The following EFNA2 variants were observed in gnomAD, a reference collection of about 807,000 sequenced individuals.
EFNA2 encodes the protein ephrin-A2.
EFNA2 carries 18 observed loss-of-function variants against 19.7 expected under a neutral mutation model. The ratio of observed to expected loss-of-function variants is 0.91; its 90% CI spans 0.63 to 1.35. EFNA2 has a LOEUF of 1.35. Ranked by LOEUF, EFNA2 falls within the 40% of genes most tolerant of loss-of-function variation. EFNA2 has a pLI of 0.00. For synonymous variants in EFNA2, 187 were observed against 137.8 expected (o/e 1.36, Z -2.50); for missense variants, 303 against 296.0 (o/e 1.02, Z -0.17).
At position 1,300,069 on chromosome 19, in the gene EFNA2, C is replaced by T; in HGVS notation, c.*124C>T. On this transcript the variant is annotated 3_prime_UTR_variant, in exon 4 of 4. Transcript: ENST00000215368. ...AAATAGAGACGCTGCTTCTCCCTCG[C>T]CTGGTGCCGCCCCCGCCGGGCAGGG... The T allele has an allele frequency of 7.5e-7, 1 of 1,336,052 alleles. No homozygotes were observed. Among genetic ancestry groups the T allele is most frequent in the South Asian group, 1.5e-5 (1 of 65,844 alleles). The allele number at this position is 1,336,052 out of a possible 1,614,324, so 82.8% of individuals were successfully genotyped here.
In EFNA2 at chr19:1,297,211, G is replaced by C. The variant is rs964091946; in HGVS notation, c.455-1340G>C. 6.6e-6 allele frequency among the ~76,000 whole-genome samples: 1 copy of C among 152,130 alleles called. No homozygotes were observed. Among genetic ancestry groups the C allele is most frequent in the Non-Finnish European group, 1.5e-5 (1 of 68,012 alleles). ...GTCTGTGCCCCCAGGCTGCAGGGGGGCCAGTGCCTGGACACCCAGCTCCTG... is the reference window on the plus strand; with the variant it reads ...GTCTGTGCCCCCAGGCTGCAGGGGGCCCAGTGCCTGGACACCCAGCTCCTG... On this transcript the variant is annotated intron_variant, in intron 2 of 3. Coordinates refer to ENST00000215368, the MANE Select transcript of EFNA2 (RefSeq NM_001405.4). This position sits in a 1 kb window ranked among gnomAD's most constrained non-coding sequence, Gnocchi z 5.0.
In EFNA2 at chr19:1,300,781, T is replaced by A. The variant is rs1007783845; in HGVS notation, c.*836T>A. On this transcript the variant is annotated 3_prime_UTR_variant, in exon 4 of 4. Coordinates refer to ENST00000215368, the MANE Select transcript of EFNA2 (RefSeq NM_001405.4). ...TCCCGCCGTGTCTTAGAAACTGCTTTGGCCGATGCAAACAGCCCCCTACCC... is the reference window on the plus strand; with the variant it reads ...TCCCGCCGTGTCTTAGAAACTGCTTAGGCCGATGCAAACAGCCCCCTACCC... Among the ~76,000 whole-genome samples, 1 of 152,160 alleles carries A rather than the reference T, an allele frequency of 6.6e-6. No homozygotes were observed. Among genetic ancestry groups the A allele is most frequent in the Non-Finnish European group, 1.5e-5 (1 of 68,020 alleles).
rs528652593 is a variant in EFNA2 at position 1,294,253 on chromosome 19, A to G, written c.141-1292A>G. Among the ~76,000 whole-genome samples, 84 of 152,252 alleles carry G rather than the reference A, an allele frequency of 5.5e-4. No homozygotes were observed. Among genetic ancestry groups the G allele is most frequent in the African/African-American group, 2.0e-3 (82 of 41,544 alleles). Reference sequence around the variant, plus strand: ...CCGCTTGGTCCAGGCCGCCGGTTACATGACAGGGGCCCTGGGGACCACAGC... The same window carrying G: ...CCGCTTGGTCCAGGCCGCCGGTTACGTGACAGGGGCCCTGGGGACCACAGC... On this transcript the variant is annotated intron_variant, in intron 1 of 3. Transcript: ENST00000215368. The surrounding 1 kb of genome is among the most constrained non-coding windows in gnomAD (Gnocchi z 5.8).
At chr19:1,284,956 A>G, upstream of EFNA2, among the ~76,000 whole-genome samples, 1 of 152,202 alleles carries the variant, frequency 6.6e-6, no homozygotes. The surrounding 1 kb of genome is among the most constrained non-coding windows in gnomAD (Gnocchi z 5.3). Flanking sequence ...AAGGGCAAAA[A>G]CAGAGGGCAG....
rs936156193 is a variant in EFNA2, at chr19:1,287,161, C to CA, written c.140+860dup. Among the ~76,000 whole-genome samples, 1 of 152,170 alleles carries CA rather than the reference C, an allele frequency of 6.6e-6. No individual in the cohort carries two copies. Among genetic ancestry groups the CA allele is most frequent in the African/African-American group, 2.4e-5 (1 of 41,436 alleles). On this transcript the variant is annotated intron_variant, in intron 1 of 3. Coordinates refer to ENST00000215368, the MANE Select transcript of EFNA2 (RefSeq NM_001405.4). The surrounding 1 kb of genome is among the most constrained non-coding windows in gnomAD (Gnocchi z 6.2). Reference sequence around the variant, plus strand: ...CAGGAGAAGCCCCCGTTGGTCAGAGCAAAAAAAGTTTGCCGGGGCCTGGCC... The same window carrying CA: ...CAGGAGAAGCCCCCGTTGGTCAGAGCAAAAAAAAGTTTGCCGGGGCCTGGCC...
Position 1,286,391 on chromosome 19 carries a change from C to G in EFNA2, c.140+83C>G. The G allele has an allele frequency of 1.5e-6, 1 of 663,898 alleles. No individual in the cohort carries two copies. The highest frequency in any genetic ancestry group is 1.9e-6 in the Non-Finnish European group (1 of 539,204). The allele number at this position is 663,898 out of a possible 1,614,324, so 41.1% of individuals were successfully genotyped here. On this transcript the variant is annotated intron_variant, in intron 1 of 3. Coordinates refer to ENST00000215368, the MANE Select transcript of EFNA2 (RefSeq NM_001405.4). The surrounding 1 kb of genome is among the most constrained non-coding windows in gnomAD (Gnocchi z 5.6). The stretch of plus-strand genomic sequence containing the variant: ...GCCCGGCCTCGCGCCCCCGGAGCTC[C>G]GGGCGCCCCCCACGCGCGCGCCGCC...
In EFNA2 at chr19:1,299,164, G is replaced by C. The variant is rs542485486; in HGVS notation, c.520+548G>C. 3.3e-5 allele frequency among the ~76,000 whole-genome samples: 5 copies of C among 152,274 alleles called. No homozygotes were observed. The South Asian group carries it at 8.3e-4, about 25-fold the overall frequency. On this transcript the variant is annotated intron_variant, in intron 3 of 3. Transcript: ENST00000215368. ...GAGGCAGGAGAATCACTTGAACCCG[G>C]GAAGTGGAGGTTGCAGTGAGCCCAG...
Position 1,301,210 on chromosome 19 carries a change from T to C in EFNA2, c.*1265T>C, listed in dbSNP as rs1289490282. 1.3e-5 allele frequency among the ~76,000 whole-genome samples: 2 copies of C among 149,482 alleles called. No homozygotes were observed. Among genetic ancestry groups the C allele is most frequent in the Non-Finnish European group, 3.0e-5 (2 of 67,566 alleles). On this transcript the variant is annotated 3_prime_UTR_variant, in exon 4 of 4. Coordinates refer to ENST00000215368, the MANE Select transcript of EFNA2 (RefSeq NM_001405.4). Reference sequence around the variant, plus strand: ...TATTTCTACCCGCCTTTCCTGACTCTGTGTTTTATATATATTATATATAAA... The same window carrying C: ...TATTTCTACCCGCCTTTCCTGACTCCGTGTTTTATATATATTATATATAAA...
Position 1,294,678 on chromosome 19 carries a change from G to A in EFNA2, c.141-867G>A, listed in dbSNP as rs893682603. ...CTCGGCAGGCTGAGAGAGAGGGGGC[G>A]GTGGGCGGAACTCTGGGGGTGCTGA... On this transcript the variant is annotated intron_variant, in intron 1 of 3. Coordinates refer to ENST00000215368, the MANE Select transcript of EFNA2 (RefSeq NM_001405.4). This position sits in a 1 kb window ranked among gnomAD's most constrained non-coding sequence, Gnocchi z 5.8. 6.6e-6 allele frequency among the ~76,000 whole-genome samples: 1 copy of A among 151,868 alleles called. No homozygotes were observed. The highest frequency in any genetic ancestry group is 2.4e-5 in the African/African-American group (1 of 41,294).
At position 1,296,146 on chromosome 19, in the gene EFNA2, A is replaced by G. The variant is rs975890146; in HGVS notation, c.454+288A>G. Among the ~76,000 whole-genome samples the G allele has an allele frequency of 6.6e-6, 1 of 152,196 alleles. No individual in the cohort carries two copies. The highest frequency in any genetic ancestry group is 2.4e-5 in the African/African-American group (1 of 41,450). On this transcript the variant is annotated intron_variant, in intron 2 of 3. Transcript: ENST00000215368. This position sits in a 1 kb window ranked among gnomAD's most constrained non-coding sequence, Gnocchi z 4.4. ...GCATGATGGACGTGCCATTCTCCCAACCATCCCGGGAGGCCAGGACTTTCC... is the reference window on the plus strand; with the variant it reads ...GCATGATGGACGTGCCATTCTCCCAGCCATCCCGGGAGGCCAGGACTTTCC...
Position 1,299,979 on chromosome 19 carries a change from C to T in EFNA2, c.*34C>T. ...CCGCAGGACGCCGACCCTGCCTGGA[C>T]GGCCCCGCCTGGACCGCCTGACCTC... On this transcript the variant is annotated 3_prime_UTR_variant, in exon 4 of 4. Transcript: ENST00000215368. The T allele has an allele frequency of 1.9e-6, 3 of 1,563,376 alleles. No individual in the cohort carries two copies. The highest frequency in any genetic ancestry group is 2.3e-5 in the East Asian group (1 of 42,834).
Position 1,299,971 on chromosome 19 carries a change from TG to T in EFNA2, c.*27del. 6.3e-7 allele frequency: 1 copy of T among 1,576,102 alleles called. No homozygotes were observed. Among genetic ancestry groups the T allele is most frequent in the Non-Finnish European group, 8.6e-7 (1 of 1,166,562 alleles). The stretch of plus-strand genomic sequence containing the variant: ...TCCCAGCCCCGCAGGACGCCGACCC[TG>T]CCTGGACGGCCCCGCCTGGACCGCC... On this transcript the variant is annotated 3_prime_UTR_variant, in exon 4 of 4. Transcript: ENST00000215368.
At position 1,301,349 on chromosome 19, in the gene EFNA2, C is replaced by A. The variant is rs2081542820; in HGVS notation, c.*1404C>A. Among the ~76,000 whole-genome samples the A allele has an allele frequency of 6.6e-6, 1 of 151,592 alleles. No individual in the cohort carries two copies. Among genetic ancestry groups the A allele is most frequent in the Non-Finnish European group, 1.5e-5 (1 of 67,922 alleles). Reference sequence around the variant, plus strand: ...GCGGGCCGCGTTGCCAGGCCTGGAGCTGGCGACCGGGCCTCCCTCTTCCCG... The same window carrying A: ...GCGGGCCGCGTTGCCAGGCCTGGAGATGGCGACCGGGCCTCCCTCTTCCCG... On this transcript the variant is annotated 3_prime_UTR_variant, in exon 4 of 4. Coordinates refer to ENST00000215368, the MANE Select transcript of EFNA2 (RefSeq NM_001405.4).
intron 1 of EFNA2, among the ~76,000 whole-genome samples, chr19:1,293,456 T>C (rs1021633036): frequency 5.9e-5 from 9 of 151,510 alleles, no homozygotes; most frequent in African/African-American, 1.9e-4. Flanking sequence ...GCACCCCGAG[T>C]GTCCAACAGC....
chr19:1,284,422 G>A (rs938506584), upstream of EFNA2, among the ~76,000 whole-genome samples: 3 of 152,238 alleles, frequency 2.0e-5, no homozygotes, highest in Non-Finnish European at 4.4e-5. This position sits in a 1 kb window ranked among gnomAD's most constrained non-coding sequence, Gnocchi z 5.3. Context: ...GAGCTCCCTG[G>A]AGGAGAGAGA....
At chr19:1,299,590 A>G (rs1182427052) in intron 3 of EFNA2, among the ~76,000 whole-genome samples, 2 of 151,914 alleles carry the variant, frequency 1.3e-5, no homozygotes, top group African/African-American at 4.8e-5. Flanking sequence ...AGCAAAAAAA[A>G]AAAAAAAAAG....
chr19:1,292,920 CAGT>C (rs553733797), intron 1 of EFNA2, among the ~76,000 whole-genome samples: 6 of 152,268 alleles, frequency 3.9e-5, no homozygotes, highest in African/African-American at 1.4e-4. Context: ...GGAGAGAACA[CAGT>C]GGTGTCAGAC....
In EFNA2 at chr19:1,300,162, C is replaced by A; in HGVS notation, c.*217C>A. 1.8e-6 allele frequency: 1 copy of A among 559,476 alleles called. No homozygotes were observed. Among genetic ancestry groups the A allele is most frequent in the Non-Finnish European group, 2.9e-6 (1 of 348,064 alleles). 34.7% of individuals were successfully genotyped at this position (559,476 alleles called of 1,614,324 possible). A position where few individuals can be genotyped will look rare whatever the true frequency, so the allele number is the denominator to read the frequency against. On this transcript the variant is annotated 3_prime_UTR_variant, in exon 4 of 4. Coordinates refer to ENST00000215368, the MANE Select transcript of EFNA2 (RefSeq NM_001405.4). Reference sequence around the variant, plus strand: ...GGCCGAGAGCCCCCCCCCGGAGGCCCGAGGGGCCGGGGTGTGGATGCGGAC... The same window carrying A: ...GGCCGAGAGCCCCCCCCCGGAGGCCAGAGGGGCCGGGGTGTGGATGCGGAC...
At chr19:1,291,122 G>C (rs1199554645) in intron 1 of EFNA2, among the ~76,000 whole-genome samples, 1 of 152,214 alleles carries the variant, frequency 6.6e-6, no homozygotes, top group African/African-American at 2.4e-5. Context: ...CCCACCTGGG[G>C]CCGGCCCGGG....
Sources: allele counts gnomAD v4.1 joint callset (sites outside exome capture counted in the v4.1 genomes callset), GRCh38; gene constraint gnomAD v4.1.1; non-coding constraint Gnocchi (gnomAD v3.1); transcripts MANE v1.5; gene names NCBI Gene and HGNC (gene_info 2026-07-23, HGNC 2026-07-21).